The following ANXA2 variants were observed in gnomAD, a reference collection of about 807,000 sequenced individuals.
ANXA2 encodes annexin A2.
In ANXA2, 28 loss-of-function variants were observed where a neutral mutation model predicts 47.3. That is an observed-to-expected ratio of 0.59 (90% CI 0.44 to 0.81). ANXA2 has a LOEUF of 0.81. Ranked by LOEUF, ANXA2 falls within the 40% of genes least tolerant of loss-of-function variation. The pLI is 0.00. For missense variants in ANXA2, 384 were observed against 414.3 expected (o/e 0.93, Z 0.64); for synonymous variants, 172 against 155.5 (o/e 1.11, Z -0.79).
chr15:60,352,298 G>C lies in ANXA2; in HGVS notation c.682+85C>G, dbSNP rs2062361957. 3 of 869,018 alleles carry C rather than the reference G, an allele frequency of 3.5e-6. No homozygotes were observed. The highest frequency in any genetic ancestry group is 5.5e-6 in the Non-Finnish European group (3 of 542,340). The allele number at this position is 869,018 out of a possible 1,614,324, so 53.8% of individuals were successfully genotyped here. On this transcript the variant is annotated intron_variant, in intron 9 of 12. Coordinates refer to ENST00000451270, the MANE Select transcript of ANXA2 (RefSeq NM_004039.3). The surrounding 1 kb of genome is among the most constrained non-coding windows in gnomAD (Gnocchi z 4.2). Reference sequence around the variant, plus strand: ...CAAGCGGAGACAGAACCTCATTCTGGCAGACTCCATCCCAACATGGACATC... The same window carrying C: ...CAAGCGGAGACAGAACCTCATTCTGCCAGACTCCATCCCAACATGGACATC...
chr15:60,374,818 A>G, intron 3 of ANXA2: 1 of 405,956 alleles, frequency 2.5e-6, no homozygotes, highest in Non-Finnish European at 4.8e-6. Flanking sequence ...AGTAAACTTG[A>G]ACACAGAGAG....
At chr15:60,366,802 CGG>C (rs1221245522) in intron 3 of ANXA2, among the ~76,000 whole-genome samples, 96 of 1,296 alleles carry the variant, frequency 0.074, 3 homozygotes, top group East Asian at 0.1. Context: ...GGGAGGGAGG[CGG>C]GGGGGGGGGG....
At chr15:60,395,882 G>A (rs978661051) in intron 1 of ANXA2, 1 of 152,196 alleles carries the variant, frequency 6.6e-6, no homozygotes, top group Non-Finnish European at 1.5e-5. Flanking sequence ...GCAGATGCAA[G>A]GGACATTTTT....
intron 11 of ANXA2, among the ~76,000 whole-genome samples, chr15:60,350,378 C>T (rs568571892): frequency 6.6e-6 from 1 of 152,224 alleles, no homozygotes; most frequent in Non-Finnish European, 1.5e-5. Context: ...GTTCCTGACT[C>T]TTGCAGGCTT....
chr15:60,390,786 C>G (rs1426380279), intron 1 of ANXA2: 1 of 158,342 alleles, frequency 6.3e-6, no homozygotes, highest in Non-Finnish European at 1.4e-5. Flanking sequence ...CTTCTTCACT[C>G]CATCAAATCC....
intron 9 of ANXA2, 39 bp from the exon 10 acceptor site, chr15:60,351,858 C>T: frequency 7.2e-7 from 1 of 1,393,222 alleles, no homozygotes; most frequent in Non-Finnish European, 1.0e-6. Context: ...ATCCGAGCCA[C>T]TAGTCAAAGC....
chr15:60,376,372 C>T (rs1427086768), intron 3 of ANXA2, among the ~76,000 whole-genome samples: 3 of 151,250 alleles, frequency 2.0e-5, no homozygotes, highest in East Asian at 3.9e-4. Context: ...AAGAGCAAAA[C>T]TCTGTCTCAA....
At chr15:60,388,632 A>G (rs539458303) in intron 1 of ANXA2, among the ~76,000 whole-genome samples, 26 of 145,240 alleles carry the variant, frequency 1.8e-4, no homozygotes, top group Non-Finnish European at 3.0e-4. Context: ...ACAAGGTCCC[A>G]CTGTGTTGCC....
chr15:60,360,382 G>T (rs946774837), intron 5 of ANXA2, among the ~76,000 whole-genome samples: 1 of 152,118 alleles, frequency 6.6e-6, no homozygotes, highest in East Asian at 1.9e-4. Context: ...CTTTACAAAA[G>T]AAAAACATAA....
intron 3 of ANXA2, among the ~76,000 whole-genome samples, chr15:60,365,366 G>A (rs1285885368): frequency 2.0e-5 from 3 of 152,108 alleles, no homozygotes; most frequent in African/African-American, 7.2e-5. Flanking sequence ...TTTAACTTAA[G>A]AAAGCACAGT....
At chr15:60,367,285 C>T (rs1245257552) in intron 3 of ANXA2, among the ~76,000 whole-genome samples, 6 of 131,816 alleles carry the variant, frequency 4.6e-5, no homozygotes, top group African/African-American at 1.2e-4. Flanking sequence ...CAGCCCCCCG[C>T]CCGGCCAGCC....
intron 3 of ANXA2, among the ~76,000 whole-genome samples, chr15:60,376,178 G>C (rs2062774668): frequency 6.6e-6 from 1 of 152,106 alleles, no homozygotes; most frequent in African/African-American, 2.4e-5. Flanking sequence ...AGGAGCTCAA[G>C]ACCAGCCTGA....
intron 3 of ANXA2, among the ~76,000 whole-genome samples, chr15:60,366,871 C>T (rs1164324433): frequency 0.044 from 3,370 of 77,194 alleles, no homozygotes; most frequent in Admixed American, 0.067. Context: ...CCCGCCCGGC[C>T]GGCCGCCCCG....
chr15:60,353,429 T>G (rs1292438029), intron 8 of ANXA2, among the ~76,000 whole-genome samples: 1 of 152,174 alleles, frequency 6.6e-6, no homozygotes, highest in Admixed American at 6.5e-5. Context: ...CCTGCCTGAT[T>G]GGTATGCACA....
intron 12 of ANXA2, 111 bp downstream of exon 12, chr15:60,348,964 G>T: frequency 7.7e-7 from 1 of 1,292,332 alleles, no homozygotes; most frequent in South Asian, 1.3e-5. Context: ...CTCTTCCCCA[G>T]AGAGTCAGAA....
intron 3 of ANXA2, among the ~76,000 whole-genome samples, chr15:60,380,281 C>T (rs1053667705): frequency 6.6e-6 from 1 of 152,024 alleles, no homozygotes; most frequent in African/African-American, 2.4e-5. Context: ...CCTTTATAGG[C>T]AAGGAAACTC....
In ANXA2 at chr15:60,355,950, T is replaced by A; in HGVS notation, c.497A>T (p.Asp166Val). Residue 166 changes from aspartate to valine, a missense_variant, in exon 7 of 13, where the codon GAC becomes GTC. Asp to Val is a radical substitution (Grantham distance 152). Transcript: ENST00000451270. ...CAGGGCAACCATCAGCTTGCGGAAG[T>A]CACCAGATGTGTCCGAAATAATGTC... ...EKDIISDTSG[D>V]FRKLMVALAK... The A allele has an allele frequency of 6.2e-7, 1 of 1,614,200 alleles. No individual in the cohort carries two copies. The highest frequency in any genetic ancestry group is 2.2e-5 in the East Asian group (1 of 44,892).
chr15:60,347,826 T>A, intron 12 of ANXA2, 137 bp from the exon 13 acceptor site: 4 of 774,148 alleles, frequency 5.2e-6, no homozygotes, highest in Non-Finnish European at 8.4e-6. Context: ...CCTGCCCTGA[T>A]ACAAAGGCCT....
chr15:60,374,349 C>T (rs1211875904), intron 3 of ANXA2: 1 of 399,136 alleles, frequency 2.5e-6, no homozygotes, highest in African/African-American at 2.1e-5. Context: ...GCATAAAATG[C>T]AAGCCCTGTA....
Sources: gnomAD v4.1 joint callset for allele counts (sites outside exome capture counted in the v4.1 genomes callset) on GRCh38, gnomAD v4.1.1 for gene constraint, Gnocchi (gnomAD v3.1) non-coding constraint, MANE v1.5 for transcripts, NCBI Gene and HGNC (gene_info 2026-07-23, HGNC 2026-07-21) for gene names.